The following PCDHGB5 variants were observed in gnomAD, a reference collection of about 807,000 sequenced individuals.
PCDHGB5 encodes the protein protocadherin gamma-B5.
A neutral mutation model predicts 62.9 loss-of-function variants in PCDHGB5; 48 were observed. That is an observed-to-expected ratio of 0.76 (90% confidence interval 0.61 to 0.97). PCDHGB5 has a LOEUF of 0.97. PCDHGB5 is among the 50% of genes least tolerant of loss of function. The pLI, the probability that PCDHGB5 is intolerant of heterozygous loss-of-function variation, is 0.00. For missense variants in PCDHGB5, 1,118 were observed against 1,198.6 expected (o/e 0.93, Z 0.99); for synonymous variants, 474 against 511.2 (o/e 0.93, Z 0.98).
rs922668811 is a variant in PCDHGB5 at position 141,432,984 on chromosome 5, G to A, written c.2397+32460G>A. On this transcript the variant is annotated intron_variant, in intron 1 of 3. Transcript: ENST00000617380. This position sits in a 1 kb window ranked among gnomAD's most constrained non-coding sequence, Gnocchi z 6.0. ...GGAGCGCCGGCGTCGCACTTTGTGG[G>A]CGTGGACGGGGTGCAGGCTTTCCTG... 1.9e-6 allele frequency: 3 copies of A among 1,614,214 alleles called. No individual in the cohort carries two copies. Among genetic ancestry groups the A allele is most frequent in the Admixed American group, 1.7e-5 (1 of 60,028 alleles).
intron 1 of PCDHGB5, among the ~76,000 whole-genome samples, chr5:141,433,680 A>G (rs570459317): frequency 1.3e-5 from 2 of 152,236 alleles, no homozygotes; most frequent in African/African-American, 4.8e-5. Context: ...TACTAAAAAA[A>G]TACAAAATTA....
rs141959335 is a variant in PCDHGB5, at chr5:141,491,261, T to C, written c.2398-3546T>C. On this transcript the variant is annotated intron_variant, in intron 1 of 3. Transcript: ENST00000617380. This position sits in a 1 kb window ranked among gnomAD's most constrained non-coding sequence, Gnocchi z 6.9. Reference sequence around the variant, plus strand: ...CTGGAGGATGAGGACCCTGAGGAAATGCCCAAATCCAGTGACTTCCTCATA... The same window carrying C: ...CTGGAGGATGAGGACCCTGAGGAAACGCCCAAATCCAGTGACTTCCTCATA... 104 of 1,614,044 alleles carry C rather than the reference T, an allele frequency of 6.4e-5. No individual in the cohort carries two copies. Among genetic ancestry groups the C allele is most frequent in the Non-Finnish European group, 8.1e-5 (95 of 1,180,028 alleles).
intron 1 of PCDHGB5, among the ~76,000 whole-genome samples, chr5:141,483,646 GTT>G (rs2099584256): frequency 6.8e-6 from 1 of 146,706 alleles, no homozygotes; most frequent in Admixed American, 6.7e-5. Flanking sequence ...AGGGGTGTGT[GTT>G]TGTGTGTGTG....
At chr5:141,441,730 A>ATGGT in intron 1 of PCDHGB5, 1 of 362,748 alleles carries the variant, frequency 2.8e-6, no homozygotes, top group South Asian at 2.2e-5. Flanking sequence ...CGCGACCAGG[A>ATGGT]CTAGCTCGCG....
intron 1 of PCDHGB5, chr5:141,415,390 G>A (rs1191160575): frequency 1.2e-6 from 2 of 1,614,224 alleles, no homozygotes; most frequent in South Asian, 2.2e-5. Flanking sequence ...CTTGACAGGT[G>A]TGTCCGGCTC....
rs769467027 is a variant in PCDHGB5, at chr5:141,477,255, A to G, written c.2398-17552A>G. On this transcript the variant is annotated intron_variant, in intron 1 of 3. Transcript: ENST00000617380. This position sits in a 1 kb window ranked among gnomAD's most constrained non-coding sequence, Gnocchi z 4.9. ...GCTTTGCTCAGTGTGACTGACCTGGATGCTGGCGAGAACGGGCTGGTGACC... is the reference window on the plus strand; with the variant it reads ...GCTTTGCTCAGTGTGACTGACCTGGGTGCTGGCGAGAACGGGCTGGTGACC... 1 of 1,614,146 alleles carries G rather than the reference A, an allele frequency of 6.2e-7. No individual in the cohort carries two copies. Among genetic ancestry groups the G allele is most frequent in the East Asian group, 2.2e-5 (1 of 44,874 alleles).
Position 141,485,660 on chromosome 5 carries a change from G to A in PCDHGB5, c.2398-9147G>A. On this transcript the variant is annotated intron_variant, in intron 1 of 3. Transcript: ENST00000617380. The surrounding 1 kb of genome is among the most constrained non-coding windows in gnomAD (Gnocchi z 5.7). ...GGAAAAGGCTCAGGATGCAGATGTG[G>A]GGAGCAATTCGATTAGCAGCTATAG... is the stretch of plus-strand genomic sequence containing the variant. 1 of 1,612,716 alleles carries A rather than the reference G, an allele frequency of 6.2e-7. No individual in the cohort carries two copies. Among genetic ancestry groups the A allele is most frequent in the Non-Finnish European group, 8.5e-7 (1 of 1,178,898 alleles).
chr5:141,417,634 G>A, intron 1 of PCDHGB5: 1 of 721,778 alleles, frequency 1.4e-6, no homozygotes, highest in Non-Finnish European at 2.1e-6. Context: ...GCTGACGCCG[G>A]GGATCCCTCA....
At chr5:141,483,648 TTGTGTGTGTG>T (rs111458813) in intron 1 of PCDHGB5, among the ~76,000 whole-genome samples, 35 of 149,708 alleles carry the variant, frequency 2.3e-4, no homozygotes, top group Non-Finnish European at 4.6e-4. Flanking sequence ...GGGTGTGTGT[TTGTGTGTGTG>T]TGTGTGTGTG....
At chr5:141,421,700 C>A (rs755518757) in intron 1 of PCDHGB5, 2 of 1,613,900 alleles carry the variant, frequency 1.2e-6, no homozygotes, top group Non-Finnish European at 1.7e-6. Flanking sequence ...CTTCCTAATG[C>A]TAGGGATCCA....
rs771398829 is a variant in PCDHGB5, at chr5:141,421,251, G to A, written c.2397+20727G>A. ...CCATGGCGAATCGGCTACAGCGCGG[G>A]GACCGCAGTCGGCTGCTGCTGCTGC... On this transcript the variant is annotated intron_variant, in intron 1 of 3. Transcript: ENST00000617380. 17 of 1,606,770 alleles carry A rather than the reference G, an allele frequency of 1.1e-5. No homozygotes were observed. The East Asian group carries it at 3.1e-4, about 30-fold the overall frequency.
At chr5:141,407,738 A>G (rs928743977) in intron 1 of PCDHGB5, among the ~76,000 whole-genome samples, 3 of 152,046 alleles carry the variant, frequency 2.0e-5, no homozygotes, top group Admixed American at 2.0e-4. Context: ...CACTATATAT[A>G]CTCCCTACTG....
At position 141,491,711 on chromosome 5, in the gene PCDHGB5, C is replaced by T. The variant is rs528931820; in HGVS notation, c.2398-3096C>T. 1.5e-5 allele frequency: 24 copies of T among 1,609,240 alleles called. No homozygotes were observed. In the African/African-American group the frequency reaches 1.7e-4, roughly 12 times the overall value. On this transcript the variant is annotated intron_variant, in intron 1 of 3. Transcript: ENST00000617380. This position sits in a 1 kb window ranked among gnomAD's most constrained non-coding sequence, Gnocchi z 6.9. ...CGGGAGCGGAGCCAGGTGAGGGGCT[C>T]GGCGCCGCCCCGGGCGACCCCTGGG... is the stretch of plus-strand genomic sequence containing the variant.
In PCDHGB5 at chr5:141,405,262, C is replaced by A. The variant is rs1352663124; in HGVS notation, c.2397+4738C>A. ...ACTCAAGGAAGAGTCACCTGATCTT[C>A]CCCCAGCCCAACTATGCAGACACAC... On this transcript the variant is annotated intron_variant, in intron 1 of 3. Coordinates refer to ENST00000617380, the MANE Select transcript of PCDHGB5 (RefSeq NM_018925.3). The A allele has an allele frequency of 2.5e-6, 4 of 1,614,012 alleles. No individual in the cohort carries two copies. In the African/African-American group the frequency reaches 5.3e-5, roughly 22 times the overall value.
intron 1 of PCDHGB5, among the ~76,000 whole-genome samples, chr5:141,434,902 C>T (rs1591355042): frequency 6.6e-6 from 1 of 151,934 alleles, no homozygotes; most frequent in East Asian, 1.9e-4. Flanking sequence ...CCCCTTCCCT[C>T]ATACCTTATT....
In PCDHGB5 at chr5:141,431,463, C is replaced by T. The variant is rs139195027; in HGVS notation, c.2397+30939C>T. Reference sequence around the variant, plus strand: ...CGCATCCGCGTGATGGTTCTGGATGCGAACGACAACGCACCAGCGTTTGCT... The same window carrying T: ...CGCATCCGCGTGATGGTTCTGGATGTGAACGACAACGCACCAGCGTTTGCT... On this transcript the variant is annotated intron_variant, in intron 1 of 3. Transcript: ENST00000617380. The surrounding 1 kb of genome is among the most constrained non-coding windows in gnomAD (Gnocchi z 4.8). The T allele has an allele frequency of 3.5e-3, 5,640 of 1,613,740 alleles. 51 individuals are homozygous for T. Among genetic ancestry groups the T allele is most frequent in the South Asian group, 0.02 (1,825 of 91,088 alleles).
chr5:141,437,628 T>C (rs2097897572), intron 1 of PCDHGB5, among the ~76,000 whole-genome samples: 1 of 152,212 alleles, frequency 6.6e-6, no homozygotes, highest in African/African-American at 2.4e-5. Context: ...CCATATAAGA[T>C]GTCAGGTTCA....
chr5:141,489,238 G>A lies in PCDHGB5; in HGVS notation c.2398-5569G>A. On this transcript the variant is annotated intron_variant, in intron 1 of 3. Coordinates refer to ENST00000617380, the MANE Select transcript of PCDHGB5 (RefSeq NM_018925.3). The surrounding 1 kb of genome is among the most constrained non-coding windows in gnomAD (Gnocchi z 4.5). ...TTACTCTCCACAAAGGGACTTCTGG[G>A]TCATGGGGCCCAAGACACTCCCACA... 6.5e-7 allele frequency: 1 copy of A among 1,534,146 alleles called. No homozygotes were observed.
At chr5:141,421,846 G>A (rs1187020807) in intron 1 of PCDHGB5, 2 of 1,613,642 alleles carry the variant, frequency 1.2e-6, no homozygotes, top group East Asian at 4.5e-5. Context: ...AGAGAAAGAG[G>A]CTGCTCACCT....
Sources: allele counts gnomAD v4.1 joint callset (sites outside exome capture counted in the v4.1 genomes callset), GRCh38; gene constraint gnomAD v4.1.1; non-coding constraint Gnocchi (gnomAD v3.1); transcripts MANE v1.5; gene names NCBI Gene and HGNC (gene_info 2026-07-23, HGNC 2026-07-21).